Variants in MAP2K2 observed in about 807,000 individuals in gnomAD.
The protein encoded by MAP2K2 is mitogen-activated protein kinase kinase 2, also known as dual specificity mitogen-activated protein kinase kinase 2.
A neutral mutation model predicts 43.7 loss-of-function variants in MAP2K2; 24 were observed. That is an observed-to-expected ratio of 0.55 (90% CI 0.40 to 0.77). The LOEUF (loss-of-function observed/expected upper bound fraction) is 0.77, where lower values mean the gene tolerates loss of function less well. Among genes scored for constraint, MAP2K2 ranks in the 30% least tolerant of loss-of-function variants. MAP2K2 has a pLI of 0.00. For synonymous variants in MAP2K2, 244 were observed against 239.7 expected (o/e 1.02, Z -0.17); for missense variants, 470 against 566.8 (o/e 0.83, Z 1.73).
chr19:4,116,507 T>C (rs1454974836), intron 2 of MAP2K2, among the ~76,000 whole-genome samples: 1 of 149,022 alleles, frequency 6.7e-6, no homozygotes, highest in Non-Finnish European at 1.5e-5. Flanking sequence ...TCCAGCCAAT[T>C]CCTTAGAATA....
In MAP2K2 at chr19:4,102,389, T is replaced by A. The variant is rs1218364046; in HGVS notation, c.515A>T (p.Lys172Ile). 1 of 1,603,532 alleles carries A rather than the reference T, an allele frequency of 6.2e-7. No individual in the cohort carries two copies. The highest frequency in any genetic ancestry group is 8.5e-7 in the Non-Finnish European group (1 of 1,176,144). Reference sequence around the variant, plus strand: ...CGGTGGACTCACCGCGATGCTGACTTTCCCCAGGATCTCCTCGGGAATCCT... The same window carrying A: ...CGGTGGACTCACCGCGATGCTGACTATCCCCAGGATCTCCTCGGGAATCCT... ...AKRIPEEILGKVSIAVLRGLA... is the reference protein window; with the variant it reads ...AKRIPEEILGIVSIAVLRGLA... Residue 172 changes from lysine (K) to isoleucine (I), a missense_variant, in exon 4 of 11, where the codon AAA becomes ATA. By Grantham distance (102) the Lys-to-Ile change is moderately radical. Around this residue, in one of 3 missense-constraint regions of MAP2K2, gnomAD observed 200 missense variants for 297.9 expected, o/e 0.67. Transcript: ENST00000262948.
intron 3 of MAP2K2, among the ~76,000 whole-genome samples, chr19:4,107,523 C>CAAAAAAAAAAAA (rs71166959): frequency 1.7e-5 from 1 of 59,316 alleles, no homozygotes; most frequent in African/African-American, 7.8e-5. Flanking sequence ...GACTCCGTCT[C>CAAAAAAAAAAAA]AAAAAAAAAA....
chr19:4,123,698 C>T (rs909278914), intron 1 of MAP2K2, 86 bp downstream of exon 1: 4 of 1,020,480 alleles, frequency 3.9e-6, no homozygotes, highest in Non-Finnish European at 5.5e-6. Context: ...GCACTCCTCG[C>T]GAACCCCCGT....
intron 1 of MAP2K2, among the ~76,000 whole-genome samples, chr19:4,118,277 C>A (rs1396719547): frequency 6.6e-6 from 1 of 152,116 alleles, no homozygotes; most frequent in Non-Finnish European, 1.5e-5. Flanking sequence ...CGGACCATGT[C>A]GGGAGGAGAC....
rs548041466 is a variant in MAP2K2 at position 4,111,539 on chromosome 19, C to A, written c.304-884G>T. 2.6e-5 allele frequency among the ~76,000 whole-genome samples: 4 copies of A among 152,290 alleles called. No homozygotes were observed. The South Asian group carries it at 8.3e-4, about 32-fold the overall frequency. Reference sequence around the variant, plus strand: ...CGTGGAGACGTTAGCCACACAGAGCCGCGGGCGCCCCTGAGAATTCTCCCT... The same window carrying A: ...CGTGGAGACGTTAGCCACACAGAGCAGCGGGCGCCCCTGAGAATTCTCCCT... On this transcript the variant is annotated intron_variant, in intron 2 of 10. Transcript: ENST00000262948.
intron 3 of MAP2K2, among the ~76,000 whole-genome samples, chr19:4,108,138 G>A (rs1205748082): frequency 2.6e-5 from 4 of 152,228 alleles, no homozygotes; most frequent in African/African-American, 4.8e-5. Context: ...CAGGGCCGGC[G>A]AGGATGGCAG....
chr19:4,120,720 G>A (rs1351636091), intron 1 of MAP2K2, among the ~76,000 whole-genome samples: 1 of 152,144 alleles, frequency 6.6e-6, no homozygotes, highest in East Asian at 1.9e-4. Flanking sequence ...TAAATTTACT[G>A]GCAACCCAAC....
At chr19:4,094,726 T>A (rs1599281513) in intron 9 of MAP2K2, 4 of 567,760 alleles carry the variant, frequency 7.0e-6, no homozygotes, top group Non-Finnish European at 1.3e-5. Context: ...AGCGGGAGGG[T>A]GAGAGGGAAA....
In MAP2K2 at chr19:4,102,846, G is replaced by A. The variant is rs555878078; in HGVS notation, c.451-393C>T. On this transcript the variant is annotated intron_variant, in intron 3 of 10. Coordinates refer to ENST00000262948, the MANE Select transcript of MAP2K2 (RefSeq NM_030662.4). The stretch of plus-strand genomic sequence containing the variant: ...TGGGCTTGTCTGTGCGCCACGGGAG[G>A]CGGCCAGGCTGGAGACCAGCGTCTT... 1.8e-4 allele frequency: 209 copies of A among 1,191,484 alleles called. No individual in the cohort carries two copies. The African/African-American group carries it at 3.2e-3, about 18-fold the overall frequency. The allele number at this position is 1,191,484 out of a possible 1,614,324, so 73.8% of individuals were successfully genotyped here.
intron 3 of MAP2K2, chr19:4,103,403 C>T (rs574135882): frequency 6.0e-5 from 16 of 266,390 alleles, no homozygotes; most frequent in South Asian, 1.4e-4. Context: ...GCAGAGGCTC[C>T]GGACACACCT....
chr19:4,102,716 G>A lies in MAP2K2; in HGVS notation c.451-263C>T, dbSNP rs562511453. ...CATCCTCGAATCAGTTGCGTGACTC[G>A]GCCCTCCTGAGGTCGCCACGGCAGA... On this transcript the variant is annotated intron_variant, in intron 3 of 10. Transcript: ENST00000262948. 5,694 of 1,242,390 alleles carry A rather than the reference G, an allele frequency of 4.6e-3. 24 individuals carry two copies. Among genetic ancestry groups the A allele is most frequent in the Non-Finnish European group, 5.2e-3 (4,909 of 935,950 alleles). The allele number at this position is 1,242,390 out of a possible 1,614,324, so 77.0% of individuals were successfully genotyped here.
At chr19:4,109,517 T>G (rs1227745008) in intron 3 of MAP2K2, among the ~76,000 whole-genome samples, 1 of 152,200 alleles carries the variant, frequency 6.6e-6, no homozygotes, top group African/African-American at 2.4e-5. Context: ...AAGCTCACTG[T>G]AGCCTCAACC....
intron 3 of MAP2K2, chr19:4,102,957 G>C: frequency 3.6e-6 from 4 of 1,103,606 alleles, no homozygotes; most frequent in Non-Finnish European, 4.5e-6. Context: ...CGTGGGAGGA[G>C]GCGGCGGGTC....
chr19:4,096,874 A>G (rs547315903), intron 8 of MAP2K2, among the ~76,000 whole-genome samples: 1 of 152,190 alleles, frequency 6.6e-6, no homozygotes, highest in South Asian at 2.1e-4. Flanking sequence ...ATAAAAAAAC[A>G]ATGCCCTTGG....
intron 9 of MAP2K2, chr19:4,095,128 T>A: frequency 6.6e-6 from 3 of 457,876 alleles, no homozygotes; most frequent in Non-Finnish European, 1.2e-5. Context: ...CTGCAGACAG[T>A]GAGCTGGGGA....
At chr19:4,105,541 G>A (rs1383563533) in intron 3 of MAP2K2, among the ~76,000 whole-genome samples, 1 of 152,052 alleles carries the variant, frequency 6.6e-6, no homozygotes, top group East Asian at 1.9e-4. Flanking sequence ...CAAAGTGCTG[G>A]GATTACAGGC....
At chr19:4,090,970 C>A (rs1028546546) in intron 10 of MAP2K2, among the ~76,000 whole-genome samples, 2 of 152,232 alleles carry the variant, frequency 1.3e-5, no homozygotes, top group African/African-American at 4.8e-5. Context: ...CGGCAGCCTG[C>A]GCTCCCAGGG....
chr19:4,090,705 G>A lies in MAP2K2; in HGVS notation c.1096C>T (p.His366Tyr). The A allele has an allele frequency of 1.3e-6, 2 of 1,554,556 alleles. No homozygotes were observed. The highest frequency in any genetic ancestry group is 1.7e-6 in the Non-Finnish European group (2 of 1,148,558). The change falls in exon 11 of 11, where the codon CAC (histidine) becomes TAC (tyrosine). Residue 366 changes from histidine to tyrosine, a missense_variant. Around this residue, in one of 3 missense-constraint regions of MAP2K2, gnomAD observed 212 missense variants for 220.8 expected, o/e 0.96. Coordinates refer to ENST00000262948, the MANE Select transcript of MAP2K2 (RefSeq NM_030662.4). ...ERADLKMLTN[H>Y]TFIKRSEVEE... Reference sequence around the variant, plus strand: ...ACCTCGGACCGCTTGATGAAGGTGTGGTTCTGCAAGGAAAGGGGAGCCGTG... The same window carrying A: ...ACCTCGGACCGCTTGATGAAGGTGTAGTTCTGCAAGGAAAGGGGAGCCGTG...
At chr19:4,099,682 G>A in intron 6 of MAP2K2, 1 of 509,892 alleles carries the variant, frequency 2.0e-6, no homozygotes, top group East Asian at 3.3e-5. Context: ...TTTGGGAATG[G>A]ATGATGGGCC....
Sources: gnomAD v4.1 joint callset for allele counts (sites outside exome capture counted in the v4.1 genomes callset) on GRCh38, gnomAD v4.1.1 for gene constraint, gnomAD v4.1.1 regional missense constraint, MANE v1.5 for transcripts, NCBI Gene and HGNC (gene_info 2026-07-23, HGNC 2026-07-21) for gene names.